Variants in PTPRM observed in about 807,000 individuals in gnomAD.
PTPRM encodes the protein receptor-type tyrosine-protein phosphatase mu.
Under a neutral mutation model 186.7 loss-of-function variants are expected in PTPRM, and 47 were observed. That is an observed-to-expected ratio of 0.25 (90% confidence interval 0.20 to 0.32). The LOEUF (loss-of-function observed/expected upper bound fraction) is 0.32, where lower values mean the gene tolerates loss of function less well. Ranked by LOEUF, PTPRM falls within the 10% of genes least tolerant of loss-of-function variation. The probability of loss-of-function intolerance (pLI) is 1.00; values close to 1 mark genes in which losing one functional copy is unlikely to be tolerated. For synonymous variants in PTPRM, 668 were observed against 674.9 expected (o/e 0.99, Z 0.16); for missense variants, 1,494 against 1,865.0 (o/e 0.80, Z 3.66).
chr18:8,057,518 A>G lies in PTPRM; in HGVS notation c.1133-12168A>G, dbSNP rs187414475. ...TGCACATTGTGCAGGTTAGTTACATATGTATACATGTGCCATGCTGGTGCG... is the reference window on the plus strand; with the variant it reads ...TGCACATTGTGCAGGTTAGTTACATGTGTATACATGTGCCATGCTGGTGCG... On this transcript the variant is annotated intron_variant, in intron 7 of 32. Coordinates refer to ENST00000580170, the MANE Select transcript of PTPRM (RefSeq NM_001105244.2). Among the ~76,000 whole-genome samples the G allele has an allele frequency of 1.2e-3, 157 of 131,168 alleles. 2 individuals are homozygous for G. The East Asian group carries it at 0.032, about 26-fold the overall frequency. The allele number at this position is 131,168 out of a possible 152,430, so 86.1% of individuals were successfully genotyped here.
At chr18:8,393,964 G>A (rs1467465995) in intron 31 of PTPRM, among the ~76,000 whole-genome samples, 1 of 150,560 alleles carries the variant, frequency 6.6e-6, no homozygotes, top group East Asian at 1.9e-4. Flanking sequence ...AATTTTTTTT[G>A]TATTTTTTAG....
At chr18:7,618,560 AC>A (rs1229696958) in intron 1 of PTPRM, among the ~76,000 whole-genome samples, 5 of 152,160 alleles carry the variant, frequency 3.3e-5, no homozygotes, top group Admixed American at 6.6e-5. Flanking sequence ...AAGGAAAAAA[AC>A]CCAAAAATAA....
In PTPRM at chr18:7,592,770, C is replaced by T. The variant is rs768417170; in HGVS notation, c.73+24879C>T. Among the ~76,000 whole-genome samples, 4 of 152,076 alleles carry T rather than the reference C, an allele frequency of 2.6e-5. 1 individual carries two copies. The highest frequency in any genetic ancestry group is 4.8e-5 in the African/African-American group (2 of 41,406). On this transcript the variant is annotated intron_variant, in intron 1 of 32. Transcript: ENST00000580170. ...AAGTTGTCAAGAAAGAGCAACATTCCCAGGGTTTGATTGATAAATACAAAG... is the reference window on the plus strand; with the variant it reads ...AAGTTGTCAAGAAAGAGCAACATTCTCAGGGTTTGATTGATAAATACAAAG...
chr18:7,852,503 C>T (rs185346327), intron 2 of PTPRM, among the ~76,000 whole-genome samples: 51 of 152,028 alleles, frequency 3.4e-4, no homozygotes, highest in African/African-American at 9.6e-4. Context: ...CTGGCTAACA[C>T]GGTGAAACCA....
intron 2 of PTPRM, among the ~76,000 whole-genome samples, chr18:7,856,280 G>A (rs1370786013): frequency 6.6e-6 from 1 of 152,184 alleles, no homozygotes; most frequent in Non-Finnish European, 1.5e-5. Flanking sequence ...TATAAACAAG[G>A]CATAGTCACA....
rs560621090 is a variant in PTPRM at position 7,966,801 on chromosome 18, T to A, written c.1132+11387T>A. On this transcript the variant is annotated intron_variant, in intron 7 of 32. Coordinates refer to ENST00000580170, the MANE Select transcript of PTPRM (RefSeq NM_001105244.2). ...TATATCCCACACCTGGCTCGGAGGG[T>A]CCTACGCCCACGGAGTCTCGCTGAT... Among the ~76,000 whole-genome samples the A allele has an allele frequency of 9.2e-3, 1,199 of 129,798 alleles. 20 individuals are homozygous for A. The highest frequency in any genetic ancestry group is 0.029 in the African/African-American group (1,113 of 38,458). The allele number at this position is 129,798 out of a possible 152,430, so 85.2% of individuals were successfully genotyped here. A position where few individuals can be genotyped will look rare whatever the true frequency, so the allele number is the denominator to read the frequency against.
chr18:7,785,835 C>G (rs1030346473), intron 2 of PTPRM, among the ~76,000 whole-genome samples: 1 of 152,152 alleles, frequency 6.6e-6, no homozygotes, highest in African/African-American at 2.4e-5. Context: ...AATTTTAGGA[C>G]TTTCTTAAAT....
intron 8 of PTPRM, among the ~76,000 whole-genome samples, chr18:8,076,198 A>G (rs2089799743): frequency 6.6e-6 from 1 of 152,132 alleles, no homozygotes; most frequent in Non-Finnish European, 1.5e-5. Flanking sequence ...GGAAGAGTAA[A>G]AACGTTTATT....
At chr18:7,841,289 T>TC (rs1222516146) in intron 2 of PTPRM, among the ~76,000 whole-genome samples, 1 of 131,332 alleles carries the variant, frequency 7.6e-6, no homozygotes, top group African/African-American at 3.0e-5. Context: ...TTCTTTTTTT[T>TC]TTTTTTTTTT....
chr18:8,274,346 G>C (rs1458761341), intron 19 of PTPRM, among the ~76,000 whole-genome samples: 1 of 152,158 alleles, frequency 6.6e-6, no homozygotes, highest in African/African-American at 2.4e-5. Context: ...TACTAGCTAT[G>C]ACTACTGCAT....
intron 7 of PTPRM, among the ~76,000 whole-genome samples, chr18:7,978,150 C>G (rs1379964246): frequency 1.3e-5 from 2 of 152,026 alleles, no homozygotes; most frequent in Admixed American, 6.5e-5. Flanking sequence ...GTGAGTCTGC[C>G]CAATAGCTCT....
At chr18:7,676,402 G>A (rs1037137460) in intron 1 of PTPRM, among the ~76,000 whole-genome samples, 2 of 152,154 alleles carry the variant, frequency 1.3e-5, no homozygotes, top group Non-Finnish European at 2.9e-5. Context: ...TTAGCCTCCT[G>A]TCCGTCTTGT....
chr18:8,045,509 T>TG (rs1298340190), intron 7 of PTPRM, among the ~76,000 whole-genome samples: 1 of 152,214 alleles, frequency 6.6e-6, no homozygotes, highest in African/African-American at 2.4e-5. Flanking sequence ...GTCTGCTACA[T>TG]GCTACAACAT....
chr18:8,080,716 G>A (rs2090082055), intron 9 of PTPRM, among the ~76,000 whole-genome samples: 1 of 152,092 alleles, frequency 6.6e-6, no homozygotes, highest in African/African-American at 2.4e-5. Context: ...ATGTTAAGAA[G>A]TTTGTTTTCA....
chr18:7,985,158 T>G (rs2082853304), intron 7 of PTPRM, among the ~76,000 whole-genome samples: 1 of 127,618 alleles, frequency 7.8e-6, no homozygotes. Context: ...TATATACACA[T>G]ATAAATATAT....
At chr18:7,796,985 A>T (rs574606319) in intron 2 of PTPRM, among the ~76,000 whole-genome samples, 1 of 152,322 alleles carries the variant, frequency 6.6e-6, no homozygotes, top group African/African-American at 2.4e-5. Flanking sequence ...ACACGTATGC[A>T]GTGGCTGCAT....
At chr18:8,313,341 G>A (rs906363961) in intron 20 of PTPRM, among the ~76,000 whole-genome samples, 2 of 152,146 alleles carry the variant, frequency 1.3e-5, no homozygotes, top group Non-Finnish European at 2.9e-5. Context: ...CTGAGTTTTA[G>A]CATACACTTT....
intron 3 of PTPRM, among the ~76,000 whole-genome samples, chr18:7,898,048 T>C (rs2049458265): frequency 6.6e-6 from 1 of 152,250 alleles, no homozygotes; most frequent in Admixed American, 6.5e-5. Flanking sequence ...TGATAACATG[T>C]CAATACAAAC....
chr18:7,955,176 G>A lies in PTPRM; in HGVS notation c.894G>A (p.Leu298=). The change falls in exon 7 of 33, where the codon CTG becomes CTA. Residue 298 remains leucine (L), a synonymous_variant. Transcript: ENST00000580170. The stretch of plus-strand genomic sequence containing the variant: ...TCGCCTCTGTAGGAGCCACCTACCT[G>A]TGGATACAGCTCAACGCCAACTCCA... The part of the protein sequence containing the change: ...PQLASVGATY[L]WIQLNANSIN... 1 of 1,614,144 alleles carries A rather than the reference G, an allele frequency of 6.2e-7. No homozygotes were observed. Among genetic ancestry groups the A allele is most frequent in the Non-Finnish European group, 8.5e-7 (1 of 1,179,978 alleles).
Sources: allele counts gnomAD v4.1 joint callset (sites outside exome capture counted in the v4.1 genomes callset), GRCh38; gene constraint gnomAD v4.1.1; transcripts MANE v1.5; gene names NCBI Gene and HGNC (gene_info 2026-07-23, HGNC 2026-07-21).